Variants in KMT2C observed in about 807,000 individuals in gnomAD.
KMT2C encodes the protein lysine methyltransferase 2C.
KMT2C carries 88 observed loss-of-function variants against 507.9 expected under a neutral mutation model. The observed-to-expected ratio is 0.17, with a 90% CI of 0.15 to 0.21. The LOEUF (loss-of-function observed/expected upper bound fraction) is 0.21, where lower values mean the gene tolerates loss of function less well. Ranked by LOEUF, KMT2C falls within the 10% of genes least tolerant of loss-of-function variation. The pLI is 1.00. For synonymous variants in KMT2C, 2,049 were observed against 2,080.8 expected (o/e 0.98, Z 0.42); for missense variants, 4,954 against 5,957.8 (o/e 0.83, Z 5.55).
intron 6 of KMT2C, among the ~76,000 whole-genome samples, chr7:152,291,790 C>T (rs1419509668): frequency 6.6e-6 from 1 of 152,254 alleles, no homozygotes; most frequent in African/African-American, 2.4e-5. Flanking sequence ...ATATTACTCC[C>T]AACGTCCTTA....
At chr7:152,323,711 G>T (rs1179656917) in intron 3 of KMT2C, among the ~76,000 whole-genome samples, 3 of 144,374 alleles carry the variant, frequency 2.1e-5, no homozygotes, top group African/African-American at 7.6e-5. Context: ...GGAAGGAAGG[G>T]AAGGAGGGAG....
chr7:152,226,245 T>G (rs1588383817), intron 18 of KMT2C, among the ~76,000 whole-genome samples: 1 of 144,504 alleles, frequency 6.9e-6, no homozygotes, highest in Non-Finnish European at 1.5e-5. Context: ...TTTTTTTTTT[T>G]GAGATGGAGT....
chr7:152,183,275 ATACT>A (rs2093493561), intron 34 of KMT2C, 119 bp from the exon 35 acceptor site: 1 of 756,272 alleles, frequency 1.3e-6, no homozygotes, highest in South Asian at 2.1e-5. Flanking sequence ...AATAGCTGAA[ATACT>A]TACGGCACCT....
At chr7:152,366,329 C>T (rs2097243274) in intron 1 of KMT2C, among the ~76,000 whole-genome samples, 1 of 152,112 alleles carries the variant, frequency 6.6e-6, no homozygotes. Context: ...ATAAATAAAA[C>T]ATAATTAACA....
chr7:152,279,746 T>A (rs1588857092), intron 6 of KMT2C, among the ~76,000 whole-genome samples: 1 of 151,868 alleles, frequency 6.6e-6, no homozygotes, highest in Non-Finnish European at 1.5e-5. Flanking sequence ...CTGCTAAGAG[T>A]GGGATTTTTC....
chr7:152,429,392 T>G (rs563503796), intron 1 of KMT2C, among the ~76,000 whole-genome samples: 29 of 152,360 alleles, frequency 1.9e-4, no homozygotes, highest in African/African-American at 7.0e-4. Context: ...TGAGGCTTTT[T>G]CTAGAATATT....
chr7:152,254,591 A>G (rs978879477), intron 9 of KMT2C, among the ~76,000 whole-genome samples: 3 of 152,194 alleles, frequency 2.0e-5, no homozygotes, highest in Non-Finnish European at 2.9e-5. Context: ...AATGTGACCA[A>G]CATAAATACT....
intron 1 of KMT2C, among the ~76,000 whole-genome samples, chr7:152,414,360 T>A (rs1001638900): frequency 1.3e-5 from 2 of 151,626 alleles, no homozygotes; most frequent in Non-Finnish European, 2.9e-5. Context: ...AGAAACCCCA[T>A]CTCTACTAAA....
At chr7:152,384,591 C>G (rs796314788) in intron 1 of KMT2C, among the ~76,000 whole-genome samples, 23 of 150,460 alleles carry the variant, frequency 1.5e-4, no homozygotes, top group Admixed American at 2.6e-4. Context: ...CCACCACCAC[C>G]ACCACCACCA....
In KMT2C at chr7:152,162,686, C is replaced by T. The variant is rs777784783; in HGVS notation, c.10891G>A (p.Ala3631Thr). The T allele has an allele frequency of 1.2e-6, 2 of 1,614,030 alleles. No homozygotes were observed. Among genetic ancestry groups the T allele is most frequent in the Non-Finnish European group, 1.7e-6 (2 of 1,180,032 alleles). The change falls in exon 43 of 59, where the codon GCC (alanine) becomes ACC (threonine). Residue 3631 changes from alanine (A) to threonine (T), a missense_variant. By Grantham distance (58) the Ala-to-Thr change is moderately conservative. Coordinates refer to ENST00000262189, the MANE Select transcript of KMT2C (RefSeq NM_170606.3). ...APSTPHSDIT[A>T]PPTPGISETT... ...TCTGAGATGCCTGGAGTCGGTGGGG[C>T]AGTTATATCTGAATGGGGAGTTGAT... is the stretch of plus-strand genomic sequence containing the variant.
At position 152,144,478 on chromosome 7, in the gene KMT2C, G is replaced by A. The variant is rs2090914870; in HGVS notation, c.14343+235C>T. On this transcript the variant is annotated intron_variant, in intron 55 of 58. Coordinates refer to ENST00000262189, the MANE Select transcript of KMT2C (RefSeq NM_170606.3). The surrounding 1 kb of genome is among the most constrained non-coding windows in gnomAD (Gnocchi z 4.4). ...GCCTCCCAGGAGCTCTCAACAAGATGCAAAGATGTGGATTCCACTGGTCTG... is the reference window on the plus strand; with the variant it reads ...GCCTCCCAGGAGCTCTCAACAAGATACAAAGATGTGGATTCCACTGGTCTG... Among the ~76,000 whole-genome samples, 1 of 152,220 alleles carries A rather than the reference G, an allele frequency of 6.6e-6. No individual in the cohort carries two copies.
intron 5 of KMT2C, among the ~76,000 whole-genome samples, chr7:152,310,519 C>T (rs376894840): frequency 3.3e-5 from 5 of 152,088 alleles, no homozygotes; most frequent in African/African-American, 9.7e-5. Flanking sequence ...GAGCTGAGAT[C>T]GCACCACTGC....
chr7:152,233,197 C>A (rs1392768674), intron 16 of KMT2C, among the ~76,000 whole-genome samples: 2 of 152,152 alleles, frequency 1.3e-5, no homozygotes, highest in Non-Finnish European at 2.9e-5. Flanking sequence ...TATCATCTAG[C>A]TTGAAGACCC....
chr7:152,280,561 G>A (rs911696232), intron 6 of KMT2C, among the ~76,000 whole-genome samples: 25 of 151,614 alleles, frequency 1.6e-4, no homozygotes, highest in African/African-American at 5.6e-4. Flanking sequence ...AGAAAATGGC[G>A]AGCTCAGCCC....
intron 8 of KMT2C, among the ~76,000 whole-genome samples, chr7:152,264,303 A>T (rs980367896): frequency 6.6e-5 from 10 of 152,332 alleles, no homozygotes; most frequent in Admixed American, 6.5e-4. Flanking sequence ...GTTACAACAA[A>T]AATTCTCAGC....
intron 1 of KMT2C, among the ~76,000 whole-genome samples, chr7:152,385,206 C>A (rs2097413158): frequency 6.6e-6 from 1 of 152,064 alleles, no homozygotes; most frequent in African/African-American, 2.4e-5. Flanking sequence ...CTCTACAGGG[C>A]AAATAACCCA....
intron 24 of KMT2C, among the ~76,000 whole-genome samples, chr7:152,205,428 TATCAC>T (rs1425143459): frequency 6.7e-6 from 1 of 150,336 alleles, no homozygotes; most frequent in East Asian, 1.9e-4. Context: ...AAGCCACTCT[TATCAC>T]TTATCAAACA....
At chr7:152,307,562 T>C (rs2096633131) in intron 6 of KMT2C, among the ~76,000 whole-genome samples, 1 of 152,138 alleles carries the variant, frequency 6.6e-6, no homozygotes, top group South Asian at 2.1e-4. Flanking sequence ...AAGTACTCAA[T>C]CTGCATTTAA....
rs1399566936 is a variant in KMT2C, at chr7:152,154,032, G to A, written c.12254C>T (p.Thr4085Ile). 1 of 1,614,062 alleles carries A rather than the reference G, an allele frequency of 6.2e-7. No individual in the cohort carries two copies. Among genetic ancestry groups the A allele is most frequent in the Non-Finnish European group, 8.5e-7 (1 of 1,179,952 alleles). The change falls in exon 48 of 59, where the codon ACT becomes ATT. Residue 4085 changes from threonine to isoleucine, a missense_variant. Thr to Ile is a moderately conservative substitution (Grantham distance 89, BLOSUM62 -1). Around this residue, in one of 29 missense-constraint regions of KMT2C, gnomAD observed 417 missense variants for 461.1 expected, o/e 0.90. Transcript: ENST00000262189. The stretch of plus-strand genomic sequence containing the variant: ...TACCTCAGCAGCTGTAGGATGCAGA[G>A]TAATTGCTACAGATATAAGACCTGA... ...PRSGLISVAI[T>I]LHPTAAENIS...
Sources: gnomAD v4.1 joint callset for allele counts (sites outside exome capture counted in the v4.1 genomes callset) on GRCh38, gnomAD v4.1.1 for gene constraint, gnomAD v4.1.1 regional missense constraint, Gnocchi (gnomAD v3.1) non-coding constraint, MANE v1.5 for transcripts, NCBI Gene and HGNC (gene_info 2026-07-23, HGNC 2026-07-21) for gene names.